ZC3H12B: variants seen among roughly 807,000 people sequenced by gnomAD.
ZC3H12B encodes the protein probable ribonuclease ZC3H12B.
A neutral mutation model predicts 43.9 loss-of-function variants in ZC3H12B; 7 were observed. The observed-to-expected ratio is 0.16, with a 90% CI of 0.09 to 0.30. The LOEUF (loss-of-function observed/expected upper bound fraction) is 0.30. Among genes scored for constraint, ZC3H12B ranks in the 10% least tolerant of loss-of-function variants. ZC3H12B has a pLI of 1.00. For synonymous variants in ZC3H12B, 222 were observed against 241.7 expected (o/e 0.92, Z 0.76); for missense variants, 475 against 670.2 (o/e 0.71, Z 3.22).
At chrX:65,382,818 CAGAG>C (rs1434485791) in intron 2 of ZC3H12B, among the ~76,000 whole-genome samples, 1 of 111,377 alleles carries the variant, frequency 9.0e-6, no homozygotes. Flanking sequence ...AACAGACAAA[CAGAG>C]AGCCAAATCA....
chrX:65,093,178 G>A, the ZC3H12B span, among the ~76,000 whole-genome samples: 58 of 111,605 alleles, frequency 5.2e-4, 1 homozygote, highest in Admixed American at 3.6e-3. Flanking sequence ...CACAGAATCC[G>A]AGTTGAGGCT....
chrX:65,173,024 C>A, the ZC3H12B span, among the ~76,000 whole-genome samples: 1 of 111,719 alleles, frequency 9.0e-6, no homozygotes, highest in South Asian at 3.7e-4. Context: ...GCAGTATGGC[C>A]AATTTCACAT....
At chrX:65,170,721 C>G in the ZC3H12B span, among the ~76,000 whole-genome samples, 1 of 111,530 alleles carries the variant, frequency 9.0e-6, no homozygotes, top group South Asian at 3.8e-4. Flanking sequence ...TTCTTGGAGG[C>G]TTTGTTCATT....
intron 3 of ZC3H12B, among the ~76,000 whole-genome samples, chrX:65,429,226 A>G (rs1408667331): frequency 5.3e-5 from 6 of 112,698 alleles, no homozygotes; most frequent in African/African-American, 1.9e-4. Flanking sequence ...TACATTCAGG[A>G]GGAACAGGAT....
the ZC3H12B span, among the ~76,000 whole-genome samples, chrX:65,094,411 G>C: frequency 9.0e-6 from 1 of 111,134 alleles, no homozygotes; most frequent in East Asian, 2.8e-4. Context: ...TTAACTCCAA[G>C]TTTGATTACA....
intron 3 of ZC3H12B, among the ~76,000 whole-genome samples, chrX:65,422,501 A>T (rs2067029564): frequency 9.0e-6 from 1 of 110,551 alleles, no homozygotes; most frequent in Non-Finnish European, 1.9e-5. Flanking sequence ...GGGTCACAGG[A>T]TGTTGAGATA....
At chrX:65,380,586 G>A (rs2066422452) in intron 2 of ZC3H12B, among the ~76,000 whole-genome samples, 1 of 111,149 alleles carries the variant, frequency 9.0e-6, no homozygotes, top group Non-Finnish European at 1.9e-5. Flanking sequence ...CATAATGACA[G>A]GATCAAATCC....
At chrX:65,118,832 A>G in the ZC3H12B span, among the ~76,000 whole-genome samples, 1 of 82,751 alleles carries the variant, frequency 1.2e-5, no homozygotes, top group African/African-American at 4.6e-5. Context: ...CCGGTGTGTG[A>G]TGTTCCCCTT....
At chrX:65,158,912 C>A in the ZC3H12B span, among the ~76,000 whole-genome samples, 2 of 111,976 alleles carry the variant, frequency 1.8e-5, no homozygotes, top group Non-Finnish European at 3.8e-5. Flanking sequence ...TTAGGTCTAA[C>A]ATTTAAGTCT....
chrX:65,090,953 G>A, the ZC3H12B span, among the ~76,000 whole-genome samples: 1 of 111,117 alleles, frequency 9.0e-6, no homozygotes, highest in South Asian at 3.8e-4. Flanking sequence ...TCTTGCTCCT[G>A]ATTTTGCCAT....
chrX:65,503,426 G>T (rs934688545), exon 5 of ZC3H12B: 22 of 342,604 alleles, frequency 6.4e-5, no homozygotes, highest in Non-Finnish European at 9.4e-5. Context: ...GCTAGCCAGG[G>T]TCACACTGCT....
chrX:65,492,834 G>T (rs955808785), intron 1 of ZC3H12B, among the ~76,000 whole-genome samples: 3 of 111,910 alleles, frequency 2.7e-5, no homozygotes, highest in Non-Finnish European at 5.6e-5. Flanking sequence ...AGGCACAGTG[G>T]CTCAAGCTTG....
the ZC3H12B span, among the ~76,000 whole-genome samples, chrX:65,194,566 T>A: frequency 8.9e-6 from 1 of 112,046 alleles, no homozygotes; most frequent in African/African-American, 3.2e-5. Context: ...ATTTTGTGAA[T>A]GTTTTAAGAC....
the ZC3H12B span, among the ~76,000 whole-genome samples, chrX:65,287,304 A>G: frequency 8.9e-6 from 1 of 112,071 alleles, no homozygotes; most frequent in Non-Finnish European, 1.9e-5. Flanking sequence ...AAGTCTCAAC[A>G]TATTTTAAAA....
chrX:65,136,784 G>A, the ZC3H12B span, among the ~76,000 whole-genome samples: 2 of 111,373 alleles, frequency 1.8e-5, no homozygotes, highest in Non-Finnish European at 3.8e-5. Flanking sequence ...TTACCTTTCA[G>A]TCTTCTTATT....
chrX:65,101,131 G>A, the ZC3H12B span, among the ~76,000 whole-genome samples: 2 of 111,914 alleles, frequency 1.8e-5, no homozygotes, highest in Non-Finnish European at 3.8e-5. Flanking sequence ...TGAATAACCT[G>A]CTTCTGAATG....
the ZC3H12B span, among the ~76,000 whole-genome samples, chrX:65,318,680 A>G: frequency 9.0e-6 from 1 of 110,900 alleles, no homozygotes; most frequent in African/African-American, 3.3e-5. Context: ...TCAGCCTCCC[A>G]ACGTGCTGGG....
chrX:65,236,499 T>C, the ZC3H12B span, among the ~76,000 whole-genome samples: 1 of 112,073 alleles, frequency 8.9e-6, no homozygotes, highest in Non-Finnish European at 1.9e-5. Flanking sequence ...CTGTAGGTTG[T>C]CTATTCACTC....
intron 3 of ZC3H12B, among the ~76,000 whole-genome samples, chrX:65,424,484 G>T (rs1225776448): frequency 8.9e-6 from 1 of 112,176 alleles, no homozygotes; most frequent in Non-Finnish European, 1.9e-5. Context: ...GATCCCATTT[G>T]TCAATTTTTG....
Sources: gnomAD v4.1 joint callset for allele counts (sites outside exome capture counted in the v4.1 genomes callset) on GRCh38, gnomAD v4.1.1 for gene constraint, MANE v1.5 for transcripts, NCBI Gene and HGNC (gene_info 2026-07-23, HGNC 2026-07-21) for gene names.